The following NTRK2 variants were observed in gnomAD, a reference collection of about 807,000 sequenced individuals.
NTRK2 encodes BDNF/NT-3 growth factors receptor.
NTRK2 carries 13 observed loss-of-function variants against 94.5 expected under a neutral mutation model. That is an observed-to-expected ratio of 0.14 (90% CI 0.09 to 0.22). NTRK2 has a LOEUF of 0.22. NTRK2 is among the 10% of genes least tolerant of loss of function. NTRK2 has a pLI of 1.00. For missense variants in NTRK2, 639 were observed against 1,071.2 expected (o/e 0.60, Z 5.63); for synonymous variants, 372 against 407.4 (o/e 0.91, Z 1.05).
At chr9:85,013,922 C>T (rs970798444) in intron 17 of NTRK2, among the ~76,000 whole-genome samples, 1 of 152,174 alleles carries the variant, frequency 6.6e-6, no homozygotes, top group African/African-American at 2.4e-5. Flanking sequence ...TTGGTCTTTG[C>T]TAGGTGAGTT....
At chr9:84,826,963 C>T (rs552042218) in intron 12 of NTRK2, among the ~76,000 whole-genome samples, 4 of 152,072 alleles carry the variant, frequency 2.6e-5, no homozygotes, top group Non-Finnish European at 4.4e-5. Context: ...TTGTTCCAAG[C>T]GAAAGAAGGG....
At chr9:84,792,844 C>A (rs1454405133) in intron 12 of NTRK2, among the ~76,000 whole-genome samples, 1 of 152,128 alleles carries the variant, frequency 6.6e-6, no homozygotes, top group South Asian at 2.1e-4. Context: ...TATCTTAGGA[C>A]CTCAATTTTC....
At chr9:84,880,241 A>G (rs981150619) in intron 14 of NTRK2, among the ~76,000 whole-genome samples, 1 of 152,288 alleles carries the variant, frequency 6.6e-6, no homozygotes, top group East Asian at 1.9e-4. Context: ...AAGTGTGCCA[A>G]CTGTGTTTGG....
chr9:84,755,525 C>CA (rs2065004322), intron 12 of NTRK2, among the ~76,000 whole-genome samples: 1 of 60,644 alleles, frequency 1.6e-5, no homozygotes, highest in East Asian at 4.9e-4. Flanking sequence ...AGTCCCACCT[C>CA]TTTTTTTTTT....
intron 14 of NTRK2, among the ~76,000 whole-genome samples, chr9:84,929,073 T>G (rs769793781): frequency 5.9e-5 from 9 of 152,218 alleles, no homozygotes; most frequent in Non-Finnish European, 1.0e-4. Context: ...ATTTATTTTT[T>G]ATTAGTTTTA....
chr9:84,784,030 G>A (rs1437808794), intron 12 of NTRK2, among the ~76,000 whole-genome samples: 8 of 152,076 alleles, frequency 5.3e-5, no homozygotes, highest in Non-Finnish European at 1.2e-4. Context: ...AATATTAGCA[G>A]GCTGTAAAGG....
At chr9:84,936,664 A>T (rs1167638277) in intron 15 of NTRK2, among the ~76,000 whole-genome samples, 1 of 152,222 alleles carries the variant, frequency 6.6e-6, no homozygotes, top group African/African-American at 2.4e-5. Flanking sequence ...CACTGCTTAA[A>T]AAAAAGGAAA....
chr9:84,919,810 G>C (rs2077506497), intron 14 of NTRK2, among the ~76,000 whole-genome samples: 1 of 152,172 alleles, frequency 6.6e-6, no homozygotes, highest in Admixed American at 6.5e-5. Flanking sequence ...ATTGTTCAGA[G>C]TGCTTTTTAT....
chr9:84,988,346 T>C (rs1156727989), intron 17 of NTRK2, among the ~76,000 whole-genome samples: 1 of 152,162 alleles, frequency 6.6e-6, no homozygotes, highest in Non-Finnish European at 1.5e-5. Context: ...GGAATTAAGG[T>C]GATCTCATGT....
chr9:84,929,668 T>C (rs1046290914), intron 14 of NTRK2, among the ~76,000 whole-genome samples: 2 of 151,976 alleles, frequency 1.3e-5, no homozygotes, highest in Non-Finnish European at 2.9e-5. Context: ...TTCAAACAAT[T>C]CTCCTGCCTC....
chr9:85,003,359 C>T (rs762341897), intron 17 of NTRK2, among the ~76,000 whole-genome samples: 7 of 152,164 alleles, frequency 4.6e-5, no homozygotes, highest in Non-Finnish European at 8.8e-5. Flanking sequence ...ACTAGAGCTA[C>T]AGCAGCAAAC....
At chr9:84,675,807 G>A (rs1359843287) in intron 2 of NTRK2, among the ~76,000 whole-genome samples, 2 of 152,150 alleles carry the variant, frequency 1.3e-5, no homozygotes, top group African/African-American at 4.8e-5. Flanking sequence ...GAGCTCCACT[G>A]TGGCCTGATA....
intron 17 of NTRK2, among the ~76,000 whole-genome samples, chr9:84,994,509 C>T (rs1829493441): frequency 6.6e-6 from 1 of 152,190 alleles, no homozygotes; most frequent in African/African-American, 2.4e-5. Context: ...CAGGCAGTGC[C>T]TTTTCTGCTC....
intron 12 of NTRK2, among the ~76,000 whole-genome samples, chr9:84,807,331 G>A (rs1377378466): frequency 6.6e-6 from 1 of 152,128 alleles, no homozygotes; most frequent in Non-Finnish European, 1.5e-5. Context: ...CCTTTGAAAA[G>A]GTCAATGAGT....
At chr9:84,735,658 A>G (rs1434208486) in intron 9 of NTRK2, among the ~76,000 whole-genome samples, 1 of 152,262 alleles carries the variant, frequency 6.6e-6, no homozygotes, top group East Asian at 1.9e-4. Flanking sequence ...AACAAAAAGT[A>G]GAGACAGCAG....
At chr9:84,716,860 T>C (rs1321495520) in intron 6 of NTRK2, among the ~76,000 whole-genome samples, 1 of 152,246 alleles carries the variant, frequency 6.6e-6, no homozygotes, top group Non-Finnish European at 1.5e-5. Flanking sequence ...GAAGTGCAGT[T>C]TCAAATTTGA....
chr9:84,799,599 T>C (rs992632396), intron 12 of NTRK2, among the ~76,000 whole-genome samples: 22 of 152,176 alleles, frequency 1.4e-4, no homozygotes, highest in African/African-American at 4.1e-4. Flanking sequence ...ATTTTTTTTT[T>C]TTCCTAGAGA....
At chr9:84,872,359 T>C in intron 14 of NTRK2, 2 of 1,100,246 alleles carry the variant, frequency 1.8e-6, no homozygotes, top group Non-Finnish European at 2.2e-6. Context: ...TCTTGGGTTC[T>C]CTTGAAGGGC....
intron 17 of NTRK2, among the ~76,000 whole-genome samples, chr9:84,965,575 G>C (rs968308900): frequency 6.6e-6 from 1 of 152,176 alleles, no homozygotes; most frequent in African/African-American, 2.4e-5. Flanking sequence ...TGTGATGGAT[G>C]TTATAAATAC....
Sources: allele counts gnomAD v4.1 joint callset (sites outside exome capture counted in the v4.1 genomes callset), GRCh38; gene constraint gnomAD v4.1.1; transcripts MANE v1.5; gene names NCBI Gene and HGNC (gene_info 2026-07-23, HGNC 2026-07-21).